Variants in NPEPPS observed in about 807,000 individuals in gnomAD.
The protein encoded by NPEPPS is puromycin-sensitive aminopeptidase.
Under a neutral mutation model 115.5 loss-of-function variants are expected in NPEPPS, and 14 were observed. The observed-to-expected ratio is 0.12, with a 90% confidence interval of 0.08 to 0.19. NPEPPS has a LOEUF of 0.19. Among genes scored for constraint, NPEPPS ranks in the 10% least tolerant of loss-of-function variants. NPEPPS has a pLI of 1.00. For missense variants in NPEPPS, 523 were observed against 1,110.8 expected (o/e 0.47, Z 7.52); for synonymous variants, 285 against 390.6 (o/e 0.73, Z 3.19).
chr17:47,605,684 G>A (rs185293417), intron 17 of NPEPPS, 132 bp downstream of exon 17: 286 of 652,210 alleles, frequency 4.4e-4, no homozygotes, highest in African/African-American at 4.3e-3. Context: ...AAATTAAGAC[G>A]TGAGTCTTTT....
intron 2 of NPEPPS, among the ~76,000 whole-genome samples, chr17:47,554,564 T>G (rs1411825405): frequency 6.6e-6 from 1 of 151,746 alleles, no homozygotes; most frequent in Non-Finnish European, 1.5e-5. Context: ...CTGGCTTTAT[T>G]GCTGAAGTTG....
intron 17 of NPEPPS, among the ~76,000 whole-genome samples, chr17:47,610,216 C>T (rs1324718518): frequency 6.9e-6 from 1 of 145,692 alleles, no homozygotes; most frequent in African/African-American, 2.5e-5. Context: ...CAGTCACTCT[C>T]CATTTCCTGG....
chr17:47,602,552 C>T (rs1269293516), intron 15 of NPEPPS, among the ~76,000 whole-genome samples: 1 of 150,058 alleles, frequency 6.7e-6, no homozygotes, highest in Non-Finnish European at 1.5e-5. Flanking sequence ...GCAGGAGAAT[C>T]GCTTGAACCC....
At chr17:47,563,161 A>G (rs1393794474) in intron 2 of NPEPPS, among the ~76,000 whole-genome samples, 1 of 151,790 alleles carries the variant, frequency 6.6e-6, no homozygotes, top group Non-Finnish European at 1.5e-5. Context: ...CCTCCTGAGT[A>G]GCTGGGATTA....
chr17:47,590,960 T>G, intron 10 of NPEPPS, 79 bp downstream of exon 10: 1 of 1,488,260 alleles, frequency 6.7e-7, no homozygotes, highest in Non-Finnish European at 9.0e-7. Context: ...ATAGATACTT[T>G]GGACTTTGAA....
At chr17:47,583,580 AT>A (rs1468167198) in intron 5 of NPEPPS, among the ~76,000 whole-genome samples, 1 of 150,994 alleles carries the variant, frequency 6.6e-6, no homozygotes, top group Non-Finnish European at 1.5e-5. Flanking sequence ...GCCAGACCCT[AT>A]CTCAGAAAAA....
At chr17:47,543,483 ATTT>A (rs1244034572) in intron 1 of NPEPPS, among the ~76,000 whole-genome samples, 5 of 118,108 alleles carry the variant, frequency 4.2e-5, no homozygotes, top group Admixed American at 9.0e-5. Context: ...GGCCTGGCTA[ATTT>A]TTTTTTTTTT....
chr17:47,615,010 C>T (rs1597895320), intron 19 of NPEPPS, among the ~76,000 whole-genome samples: 1 of 150,882 alleles, frequency 6.6e-6, no homozygotes, highest in Non-Finnish European at 1.5e-5. Flanking sequence ...AAAATAAAAA[C>T]TTTAAGAAAC....
At chr17:47,555,981 C>CTT (rs886460288) in intron 2 of NPEPPS, among the ~76,000 whole-genome samples, 25 of 63,054 alleles carry the variant, frequency 4.0e-4, no homozygotes, top group Non-Finnish European at 6.6e-4. Context: ...TTCTGTTTTA[C>CTT]TTTTTTTTTT....
rs528854593 is a variant in NPEPPS, at chr17:47,555,155, G to A, written c.340+9162G>A. ...CGTATTTGAGATTATTTTGTTACCAGCTTTAACTTGTATTTTACTTCCCTT... is the reference window on the plus strand; with the variant it reads ...CGTATTTGAGATTATTTTGTTACCAACTTTAACTTGTATTTTACTTCCCTT... On this transcript the variant is annotated intron_variant, in intron 2 of 22. Coordinates refer to ENST00000322157, the MANE Select transcript of NPEPPS (RefSeq NM_006310.4). Among the ~76,000 whole-genome samples, 6 of 152,274 alleles carry A rather than the reference G, an allele frequency of 3.9e-5. 1 individual carries two copies. The South Asian group carries it at 1.2e-3, about 32-fold the overall frequency.
At chr17:47,531,058 C>A (rs984044562), upstream of NPEPPS, 190 of 463,096 alleles carry the variant, frequency 4.1e-4, 1 homozygote, top group African/African-American at 3.8e-3. Flanking sequence ...CGCGCGCACT[C>A]CACGGGGGCG....
intron 2 of NPEPPS, among the ~76,000 whole-genome samples, chr17:47,548,568 G>T (rs953893169): frequency 6.1e-5 from 9 of 148,750 alleles, no homozygotes; most frequent in Admixed American, 5.4e-4. Flanking sequence ...TGTCAGGATA[G>T]AATTCAGGTG....
chr17:47,537,511 G>A (rs35061755), intron 1 of NPEPPS, among the ~76,000 whole-genome samples: 11 of 152,074 alleles, frequency 7.2e-5, no homozygotes, highest in Non-Finnish European at 1.2e-4. Context: ...GGACAACATG[G>A]TGAAACCCCG....
intron 2 of NPEPPS, among the ~76,000 whole-genome samples, chr17:47,561,484 A>C (rs1414484297): frequency 6.6e-6 from 1 of 152,142 alleles, no homozygotes; most frequent in East Asian, 1.9e-4. Context: ...ATACACATAT[A>C]TTTTATTGAA....
intron 1 of NPEPPS, among the ~76,000 whole-genome samples, chr17:47,543,568 C>G (rs1237237765): frequency 6.6e-6 from 1 of 151,160 alleles, no homozygotes; most frequent in Admixed American, 6.6e-5. Context: ...CTCAAGTGAT[C>G]CACCCACCTC....
rs542791915 is a variant in NPEPPS at position 47,578,166 on chromosome 17, T to TA, written c.419-1223dup. On this transcript the variant is annotated intron_variant, in intron 3 of 22. Coordinates refer to ENST00000322157, the MANE Select transcript of NPEPPS (RefSeq NM_006310.4). ...GCAGTGAGCCGAGATCACACCACTG[T>TA]ACTCCAGCCTGGGCAACAGAGTAAG... is the stretch of plus-strand genomic sequence containing the variant. 1.3e-3 allele frequency among the ~76,000 whole-genome samples: 189 copies of TA among 148,952 alleles called. 1 individual carries two copies. Among genetic ancestry groups the TA allele is most frequent in the African/African-American group, 4.2e-3 (169 of 40,322 alleles).
chr17:47,623,018 C>CCCA lies in NPEPPS; in HGVS notation c.*1099_*1100insCAC, dbSNP rs1555614422. 1.9e-5 allele frequency: 8 copies of CCCA among 423,708 alleles called. No individual in the cohort carries two copies. The highest frequency in any genetic ancestry group is 4.1e-5 in the African/African-American group (2 of 48,484). 26.2% of individuals were successfully genotyped at this position (423,708 alleles called of 1,614,324 possible). ...GCCACTGTTTGCTTCAACAGTATAT[C>CCCA]CTAATAAGCCTCACCTATTTAATCC... On this transcript the variant is annotated 3_prime_UTR_variant, in exon 23 of 23. Transcript: ENST00000322157.
Position 47,621,957 on chromosome 17 carries a change from G to A in NPEPPS, c.*37G>A, listed in dbSNP as rs752258993. 17 of 1,570,856 alleles carry A rather than the reference G, an allele frequency of 1.1e-5. No individual in the cohort carries two copies. The highest frequency in any genetic ancestry group is 9.2e-5 in the Admixed American group (5 of 54,470). On this transcript the variant is annotated 3_prime_UTR_variant, in exon 23 of 23. Coordinates refer to ENST00000322157, the MANE Select transcript of NPEPPS (RefSeq NM_006310.4). The stretch of plus-strand genomic sequence containing the variant: ...CCGCCATTGGCGGTTCTGCTGCTTC[G>A]CTGCAGGGATAAGGTGGAGCTACCG...
intron 2 of NPEPPS, among the ~76,000 whole-genome samples, chr17:47,555,093 C>G (rs1281764827): frequency 1.3e-5 from 2 of 152,262 alleles, no homozygotes; most frequent in African/African-American, 4.8e-5. Flanking sequence ...TCTTCATGTG[C>G]TCTATCCTAT....
Sources: gnomAD v4.1 joint callset for allele counts (sites outside exome capture counted in the v4.1 genomes callset) on GRCh38, gnomAD v4.1.1 for gene constraint, MANE v1.5 for transcripts, NCBI Gene and HGNC (gene_info 2026-07-23, HGNC 2026-07-21) for gene names.